MYF5: variants seen among roughly 807,000 people sequenced by gnomAD.
MYF5 encodes the protein class C basic helix-loop-helix protein 2.
In MYF5, 20 loss-of-function variants were observed where a neutral mutation model predicts 22.3. That is an observed-to-expected ratio of 0.90 (90% confidence interval 0.63 to 1.30). MYF5 has a LOEUF of 1.30. Ranked by LOEUF, MYF5 falls within the 50% of genes most tolerant of loss-of-function variation. MYF5 has a pLI of 0.00. For missense variants in MYF5, 348 were observed against 325.9 expected, an observed-to-expected ratio of 1.07 and a Z score of -0.52; for synonymous variants, 141 against 128.4, an observed-to-expected ratio of 1.10 and a Z score of -0.66.
chr12:80,718,409 A>G lies in MYF5; in HGVS notation c.553A>G (p.Ile185Val). ...WSRKSSTFDSIYCPDVSNVYA... is the reference protein window; with the variant it reads ...WSRKSSTFDSVYCPDVSNVYA... ...CAGAAAGAGCAGTACTTTTGACAGC[A>G]TCTACTGTCCTGATGTATCAAATGG... The change falls in exon 2 of 3, where the codon ATC becomes GTC. Residue 185 changes from isoleucine to valine, a missense_variant. Coordinates refer to ENST00000228644, the MANE Select transcript of MYF5 (RefSeq NM_005593.3). 4 of 1,613,838 alleles carry G rather than the reference A, an allele frequency of 2.5e-6. No individual in the cohort carries two copies. Among genetic ancestry groups the G allele is most frequent in the Non-Finnish European group, 3.4e-6 (4 of 1,179,684 alleles).
At position 80,717,623 on chromosome 12, in the gene MYF5, C is replaced by T. The variant is rs547931641; in HGVS notation, c.501+59C>T. On this transcript the variant is annotated intron_variant, in intron 1 of 2. Transcript: ENST00000228644. ...CTAATCTTTTCTAAAGTCCTTACAC[C>T]TCATTTAACCTGGTGTGGTGGGGAG... The T allele has an allele frequency of 3.9e-5, 61 of 1,556,214 alleles. 1 individual carries two copies. In the East Asian group the frequency reaches 1.2e-3, roughly 32 times the overall value.
rs904922897 is a variant in MYF5, at chr12:80,716,943, T to C, written c.-121T>C. The C allele has an allele frequency of 3.2e-6, 4 of 1,250,184 alleles. No individual in the cohort carries two copies. The African/African-American group carries it at 6.0e-5, about 19-fold the overall frequency. 77.4% of individuals were successfully genotyped at this position (1,250,184 alleles called of 1,614,324 possible). A position where few individuals can be genotyped will look rare whatever the true frequency, so the allele number is the denominator to read the frequency against. On this transcript the variant is annotated 5_prime_UTR_variant, in exon 1 of 3. Transcript: ENST00000228644. ...GCCAACAGGCGTCTGCCCTTGTTAA[T>C]TACCGGAGCGACAGACTAGGGAGCT...
At chr12:80,718,616 C>T (rs112048441) in intron 2 of MYF5, among the ~76,000 whole-genome samples, 183 bp downstream of exon 2, 6 of 152,132 alleles carry the variant, frequency 3.9e-5, no homozygotes, top group East Asian at 3.9e-4. Context: ...CAGACACGCA[C>T]GCACACATGC....
chr12:80,718,289 C>T lies in MYF5; in HGVS notation c.502-69C>T, dbSNP rs1252539818. 1.8e-5 allele frequency: 23 copies of T among 1,292,664 alleles called. No homozygotes were observed. In the Admixed American group the frequency reaches 3.9e-4, roughly 22 times the overall value. The allele number at this position is 1,292,664 out of a possible 1,614,324, so 80.1% of individuals were successfully genotyped here. ...TACAGAGCTGGTGGGCAAGCACAGC[C>T]TCACCTTTGGTCAGAACATCTTTTG... On this transcript the variant is annotated intron_variant, in intron 1 of 2. Transcript: ENST00000228644.
chr12:80,719,196 T>C lies in MYF5; in HGVS notation c.*145T>C. On this transcript the variant is annotated 3_prime_UTR_variant, in exon 3 of 3. Coordinates refer to ENST00000228644, the MANE Select transcript of MYF5 (RefSeq NM_005593.3). ...TTGTAAAGATTACCTTGCCACTTTA[T>C]AAGAAAGTGTATTTAACTAAAAAGT... is the stretch of plus-strand genomic sequence containing the variant. 1.7e-6 allele frequency: 1 copy of C among 590,692 alleles called. No homozygotes were observed. The highest frequency in any genetic ancestry group is 2.8e-6 in the Non-Finnish European group (1 of 355,348). The allele number at this position is 590,692 out of a possible 1,614,324, so 36.6% of individuals were successfully genotyped here. A position where few individuals can be genotyped will look rare whatever the true frequency, so the allele number is the denominator to read the frequency against.
intron 1 of MYF5, 142 bp downstream of exon 1, chr12:80,717,706 A>G (rs1186010877): frequency 3.7e-6 from 4 of 1,090,272 alleles, no homozygotes; most frequent in Non-Finnish European, 5.3e-6. Context: ...CCACATTTAG[A>G]AAGACTCCCC....
Position 80,717,168 on chromosome 12 carries a change from A to G in MYF5, c.105A>G (p.Arg35=). 6.2e-7 allele frequency: 1 copy of G among 1,613,994 alleles called. No homozygotes were observed. The highest frequency in any genetic ancestry group is 8.5e-7 in the Non-Finnish European group (1 of 1,180,020). The part of the protein sequence containing the change: ...EGEFGDEFVP[R]VAAFGAHKAE... ...AATTTGGGGACGAGTTTGTGCCGCG[A>G]GTGGCTGCCTTCGGAGCGCACAAAG... Residue 35 remains arginine (R), a synonymous_variant, in exon 1 of 3, where the codon CGA becomes CGG. Coordinates refer to ENST00000228644, the MANE Select transcript of MYF5 (RefSeq NM_005593.3).
Position 80,716,973 on chromosome 12 carries a change from C to T in MYF5, c.-91C>T. 6.7e-7 allele frequency: 1 copy of T among 1,488,658 alleles called. No homozygotes were observed. Among genetic ancestry groups the T allele is most frequent in the Non-Finnish European group, 9.0e-7 (1 of 1,110,860 alleles). The allele number at this position is 1,488,658 out of a possible 1,614,324, so 92.2% of individuals were successfully genotyped here. On this transcript the variant is annotated 5_prime_UTR_variant, in exon 1 of 3. Transcript: ENST00000228644. ...GGAGCGACAGACTAGGGAGCTCCGC[C>T]CGGGATTTGCCCATCGGCGGAGGCG...
rs897988891 is a variant in MYF5 at position 80,717,033 on chromosome 12, C to T, written c.-31C>T. 4 of 1,567,980 alleles carry T rather than the reference C, an allele frequency of 2.6e-6. No homozygotes were observed. Among genetic ancestry groups the T allele is most frequent in the South Asian group, 1.1e-5 (1 of 87,734 alleles). On this transcript the variant is annotated 5_prime_UTR_variant, in exon 1 of 3. Coordinates refer to ENST00000228644, the MANE Select transcript of MYF5 (RefSeq NM_005593.3). ...CGTTTCTCCCCATCCCTCTCGCTGC[C>T]GTCCAGGTGCACCGCCTGCCTCTCA...
rs1359186911 is a variant in MYF5 at position 80,718,966 on chromosome 12, C to T, written c.683C>T (p.Ala228Val). 3 of 1,614,036 alleles carry T rather than the reference C, an allele frequency of 1.9e-6. No homozygotes were observed. The highest frequency in any genetic ancestry group is 2.5e-6 in the Non-Finnish European group (3 of 1,180,028). ...EQPGLPLQDL[A>V]SLSPVASTDS... is the part of the protein sequence containing the mutation. ...CCTGGGTTGCCTCTCCAGGATCTGG[C>T]TTCTCTCTCTCCAGTTGCCAGCACC... Residue 228 changes from alanine (A) to valine (V), a missense_variant, in exon 3 of 3, where the codon GCT becomes GTT. Physicochemically the swap from Ala to Val is moderately conservative, Grantham distance 64. Transcript: ENST00000228644.
At position 80,719,173 on chromosome 12, in the gene MYF5, G is replaced by T; in HGVS notation, c.*122G>T. The T allele has an allele frequency of 2.6e-6, 2 of 756,050 alleles. No individual in the cohort carries two copies. The allele number at this position is 756,050 out of a possible 1,614,324, so 46.8% of individuals were successfully genotyped here. On this transcript the variant is annotated 3_prime_UTR_variant, in exon 3 of 3. Coordinates refer to ENST00000228644, the MANE Select transcript of MYF5 (RefSeq NM_005593.3). ...AAGATTTCTTTTCAGTTGTAAATTT[G>T]TAAAGATTACCTTGCCACTTTATAA...
chr12:80,717,540 C>T lies in MYF5; in HGVS notation c.477C>T (p.Pro159=), dbSNP rs1449059835. The change falls in exon 1 of 3, where the codon CCC becomes CCT. Residue 159 remains proline, a synonymous_variant. Coordinates refer to ENST00000228644, the MANE Select transcript of MYF5 (RefSeq NM_005593.3). The stretch of plus-strand genomic sequence containing the variant: ...AGAGCTGCTCGGAGCCCACCAGCCC[C>T]ACCTCCAACTGCTCTGATGGCATGG... ...PGQSCSEPTS[P]TSNCSDGMPE... 1.9e-6 allele frequency: 3 copies of T among 1,613,934 alleles called. No individual in the cohort carries two copies. The highest frequency in any genetic ancestry group is 2.2e-5 in the East Asian group (1 of 44,872).
chr12:80,719,627 A>C lies in MYF5; in HGVS notation c.*576A>C, dbSNP rs1246985586. ...TTGTGGATCATTTCAAGATATAAGA[A>C]ATTTTGGAAATTCCACCATAAATAA... On this transcript the variant is annotated 3_prime_UTR_variant, in exon 3 of 3. Transcript: ENST00000228644. The C allele has an allele frequency of 6.6e-6, 1 of 152,104 alleles. No homozygotes were observed. The highest frequency in any genetic ancestry group is 1.5e-5 in the Non-Finnish European group (1 of 67,994). 9.4% of individuals were successfully genotyped at this position (152,104 alleles called of 1,614,324 possible).
At position 80,717,209 on chromosome 12, in the gene MYF5, C is replaced by T; in HGVS notation, c.146C>T (p.Ser49Leu). 2.5e-6 allele frequency: 4 copies of T among 1,614,076 alleles called. No individual in the cohort carries two copies. The highest frequency in any genetic ancestry group is 3.4e-6 in the Non-Finnish European group (4 of 1,180,044). ...GCGCACAAAGCAGAGCTGCAGGGCT[C>T]AGATGAGGACGAGCACGTGCGAGCG... Reference protein sequence around the residue: ...FGAHKAELQGSDEDEHVRAPT... With the variant: ...FGAHKAELQGLDEDEHVRAPT... Residue 49 changes from serine (S) to leucine (L), a missense_variant, in exon 1 of 3, where the codon TCA (serine) becomes TTA (leucine). Transcript: ENST00000228644.
Position 80,717,403 on chromosome 12 carries a change from C to A in MYF5, c.340C>A (p.Pro114Thr), listed in dbSNP as rs144554730. The A allele has an allele frequency of 1.4e-4, 231 of 1,614,068 alleles. No homozygotes were observed. Among genetic ancestry groups the A allele is most frequent in the Non-Finnish European group, 1.8e-4 (217 of 1,180,042 alleles). The stretch of plus-strand genomic sequence containing the variant: ...CCTCAAGAGGTGTACCACGACCAAC[C>A]CCAACCAGAGGCTGCCCAAGGTGGA... ...ETLKRCTTTN[P>T]NQRLPKVEIL... The change falls in exon 1 of 3, where the codon CCC (proline) becomes ACC (threonine). Residue 114 changes from proline to threonine, a missense_variant. Pro to Thr is a conservative substitution (Grantham distance 38, BLOSUM62 -1). Coordinates refer to ENST00000228644, the MANE Select transcript of MYF5 (RefSeq NM_005593.3).
rs1392498828 is a variant in MYF5, at chr12:80,719,478, T to C, written c.*427T>C. ...ATGGAATTTTAAATATATTTAACTA[T>C]TTCTTTTCTCTTTAATCCTTTAGTT... On this transcript the variant is annotated 3_prime_UTR_variant, in exon 3 of 3. Coordinates refer to ENST00000228644, the MANE Select transcript of MYF5 (RefSeq NM_005593.3). The C allele has an allele frequency of 6.6e-6, 1 of 151,936 alleles. No homozygotes were observed. Among genetic ancestry groups the C allele is most frequent in the Non-Finnish European group, 1.5e-5 (1 of 67,958 alleles). The allele number at this position is 151,936 out of a possible 1,614,324, so 9.4% of individuals were successfully genotyped here. A position where few individuals can be genotyped will look rare whatever the true frequency, so the allele number is the denominator to read the frequency against.
rs768638920 is a variant in MYF5 at position 80,718,340 on chromosome 12, GTGTGTCT to G, written c.502-14_502-8del. 3 of 1,611,184 alleles carry G rather than the reference GTGTGTCT, an allele frequency of 1.9e-6. No individual in the cohort carries two copies. The Admixed American group carries it at 5.0e-5, about 27-fold the overall frequency. On this transcript the variant is annotated splice_polypyrimidine_tract_variant and intron_variant, in intron 1 of 2. Coordinates refer to ENST00000228644, the MANE Select transcript of MYF5 (RefSeq NM_005593.3). ...CCAAGACCTGAAAACAAACTTTGTT[GTGTGTCT>G]TGTATTATAGCCCGAATGTAACAGT...
intron 1 of MYF5, 108 bp downstream of exon 1, chr12:80,717,672 GTTGCT>G: frequency 7.2e-7 from 1 of 1,382,950 alleles, no homozygotes; most frequent in Non-Finnish European, 9.8e-7. Flanking sequence ...CAGATGCTGA[GTTGCT>G]TTAAAAGAAG....
Position 80,719,383 on chromosome 12 carries a change from T to C in MYF5, c.*332T>C, listed in dbSNP as rs1002698949. The C allele has an allele frequency of 6.6e-6, 1 of 151,692 alleles. No homozygotes were observed. Among genetic ancestry groups the C allele is most frequent in the African/African-American group, 2.4e-5 (1 of 41,250 alleles). 9.4% of individuals were successfully genotyped at this position (151,692 alleles called of 1,614,324 possible). A position where few individuals can be genotyped will look rare whatever the true frequency, so the allele number is the denominator to read the frequency against. On this transcript the variant is annotated 3_prime_UTR_variant, in exon 3 of 3. Transcript: ENST00000228644. ...ATATATATATTATAAATATTGCTCA[T>C]CAAAATGTCTCTGGTGTTTAGAGCT...
Sources: gnomAD v4.1 joint callset for allele counts (sites outside exome capture counted in the v4.1 genomes callset) on GRCh38, gnomAD v4.1.1 for gene constraint, MANE v1.5 for transcripts, NCBI Gene and HGNC (gene_info 2026-07-23, HGNC 2026-07-21) for gene names.